Variants in AHI1 observed in about 807,000 individuals in gnomAD.
AHI1 encodes the protein jouberin.
AHI1 carries 123 observed loss-of-function variants against 149.3 expected under a neutral mutation model. That is an observed-to-expected ratio of 0.82 (90% CI 0.71 to 0.96). The LOEUF (loss-of-function observed/expected upper bound fraction) is 0.96, where lower values mean the gene tolerates loss of function less well. AHI1 is among the 40% of genes least tolerant of loss of function. The pLI is 0.00. For synonymous variants in AHI1, 475 were observed against 459.8 expected, an observed-to-expected ratio of 1.03 and a Z score of -0.42; for missense variants, 1,439 against 1,422.7, an observed-to-expected ratio of 1.01 and a Z score of -0.18.
At chr6:135,448,531 T>A in intron 11 of AHI1, 56 bp from the exon 12 acceptor site, 2 of 1,265,708 alleles carry the variant, frequency 1.6e-6, no homozygotes, top group Non-Finnish European at 2.1e-6. Context: ...ATATATCCAA[T>A]AAAGCAATAG....
rs1425381964 is a variant in AHI1, at chr6:135,429,987, GTTTC to G, written c.2383_2386del (p.Glu795LeufsTer8). On this transcript the variant is annotated frameshift_variant, in exon 18 of 29. Coordinates refer to ENST00000265602, the MANE Select transcript of AHI1 (RefSeq NM_001134831.2). LOFTEE classifies it high-confidence loss of function. ...ACTTATTGGAATTCCCTTAAACTCA[GTTTC>G]TTTAATTTCCTAAAATGATTAAAAA... is the stretch of plus-strand genomic sequence containing the variant. 1.3e-6 allele frequency: 2 copies of G among 1,552,518 alleles called. No individual in the cohort carries two copies. Among genetic ancestry groups the G allele is most frequent in the East Asian group, 2.3e-5 (1 of 43,872 alleles).
At chr6:135,345,513 A>T (rs1158100654) in intron 24 of AHI1, among the ~76,000 whole-genome samples, 2 of 152,254 alleles carry the variant, frequency 1.3e-5, no homozygotes, top group East Asian at 1.9e-4. Context: ...ATTCTGATAC[A>T]TGCCACAACA....
At chr6:135,472,102 A>T (rs1583410398) in intron 5 of AHI1, among the ~76,000 whole-genome samples, 1 of 147,538 alleles carries the variant, frequency 6.8e-6, no homozygotes, top group Admixed American at 6.8e-5. Context: ...AATTAAATGA[A>T]TTTTGGCAAA....
chr6:135,355,835 A>C (rs1453368736), intron 24 of AHI1, among the ~76,000 whole-genome samples: 10 of 152,270 alleles, frequency 6.6e-5, no homozygotes, highest in African/African-American at 2.2e-4. Context: ...GGAGACGGAC[A>C]TTGCAGTGAA....
chr6:135,360,578 T>C (rs1449958379), intron 23 of AHI1, among the ~76,000 whole-genome samples: 1 of 152,200 alleles, frequency 6.6e-6, no homozygotes, highest in Non-Finnish European at 1.5e-5. Context: ...TTTCTCTCTC[T>C]ATGGTCTTCC....
intron 26 of AHI1, among the ~76,000 whole-genome samples, chr6:135,316,422 T>C (rs1357701607): frequency 1.3e-5 from 2 of 152,048 alleles, no homozygotes; most frequent in Non-Finnish European, 2.9e-5. Flanking sequence ...TTTACTCTGC[T>C]CTTTAATCCT....
intron 24 of AHI1, among the ~76,000 whole-genome samples, chr6:135,347,226 C>T (rs951489165): frequency 5.9e-5 from 9 of 152,218 alleles, no homozygotes; most frequent in African/African-American, 1.9e-4. Flanking sequence ...TTCATTATCA[C>T]ATTCCCTGCC....
At chr6:135,296,544 G>GCTGT (rs1291787009) in intron 27 of AHI1, among the ~76,000 whole-genome samples, 1 of 151,968 alleles carries the variant, frequency 6.6e-6, no homozygotes, top group Non-Finnish European at 1.5e-5. Flanking sequence ...TTTCTTTGAG[G>GCTGT]GTAACAGGTA....
At chr6:135,364,975 T>C (rs1037853455) in intron 23 of AHI1, among the ~76,000 whole-genome samples, 1 of 151,978 alleles carries the variant, frequency 6.6e-6, no homozygotes, top group African/African-American at 2.4e-5. Context: ...GCGTCTTTCA[T>C]CCATCTTGAG....
intron 13 of AHI1, 109 bp downstream of exon 13, chr6:135,446,899 G>C: frequency 8.3e-7 from 1 of 1,204,864 alleles, no homozygotes; most frequent in Non-Finnish European, 1.1e-6. Flanking sequence ...TAAAAACAAG[G>C]ATAAATAGCA....
Position 135,466,155 on chromosome 6 carries a change from C to T in AHI1, c.408G>A (p.Leu136=). 6.2e-7 allele frequency: 1 copy of T among 1,613,836 alleles called. No individual in the cohort carries two copies. Among genetic ancestry groups the T allele is most frequent in the South Asian group, 1.1e-5 (1 of 91,062 alleles). The change falls in exon 7 of 29, where the codon TTG becomes TTA. Residue 136 remains leucine, a synonymous_variant. Coordinates refer to ENST00000265602, the MANE Select transcript of AHI1 (RefSeq NM_001134831.2). ...TTTCCGGTTTCAGGTCTTGTGTAGTCAACTGGGGCACCGTCTTTATCACCT... is the reference window on the plus strand; with the variant it reads ...TTTCCGGTTTCAGGTCTTGTGTAGTTAACTGGGGCACCGTCTTTATCACCT... ...NKKVIKTVPQ[L]TTQDLKPETP...
chr6:135,285,699 T>A, intron 28 of AHI1, 52 bp from the exon 29 acceptor site: 1 of 1,488,644 alleles, frequency 6.7e-7, no homozygotes, highest in Non-Finnish European at 9.3e-7. Flanking sequence ...TAATGTCTTC[T>A]GACTACAACC....
intron 26 of AHI1, among the ~76,000 whole-genome samples, chr6:135,309,306 T>C (rs6910542): frequency 0.02 from 2,997 of 152,238 alleles, 94 homozygotes; most frequent in African/African-American, 0.068. Context: ...ATGGGACACT[T>C]ATCTCTCTAG....
intron 23 of AHI1, chr6:135,387,744 A>G (rs926124108): frequency 2.3e-5 from 27 of 1,168,186 alleles, no homozygotes; most frequent in Non-Finnish European, 2.8e-5. Context: ...AACAAACTGT[A>G]TAATTTCAAA....
intron 26 of AHI1, among the ~76,000 whole-genome samples, chr6:135,312,533 A>AAACC (rs1348826511): frequency 3.3e-5 from 5 of 152,166 alleles, no homozygotes; most frequent in East Asian, 1.9e-4. Context: ...ACAACAAAAA[A>AAACC]AACCAACCAA....
chr6:135,391,453 A>G (rs765561551), intron 23 of AHI1, among the ~76,000 whole-genome samples: 1 of 152,142 alleles, frequency 6.6e-6, no homozygotes, highest in Non-Finnish European at 1.5e-5. Flanking sequence ...GAATCTAATG[A>G]TGTCACTGAT....
intron 20 of AHI1, among the ~76,000 whole-genome samples, chr6:135,421,959 T>A (rs112039753): frequency 1.3e-5 from 2 of 152,150 alleles, no homozygotes; most frequent in East Asian, 3.8e-4. Flanking sequence ...TGTATAAGTA[T>A]GAGAATTATG....
rs533033325 is a variant in AHI1, at chr6:135,400,520, A to T, written c.2988+4431T>A. Among the ~76,000 whole-genome samples the T allele has an allele frequency of 4.6e-5, 7 of 152,200 alleles. No individual in the cohort carries two copies. In the South Asian group the frequency reaches 1.5e-3, roughly 32 times the overall value. Reference sequence around the variant, plus strand: ...GAAGCTTACAGAGGTGTGTGGAGGGACAGATACATAAAGATTAGAAGCGAA... The same window carrying T: ...GAAGCTTACAGAGGTGTGTGGAGGGTCAGATACATAAAGATTAGAAGCGAA... On this transcript the variant is annotated intron_variant, in intron 22 of 28. Transcript: ENST00000265602.
chr6:135,420,468 T>A (rs1782989997), intron 20 of AHI1, among the ~76,000 whole-genome samples: 1 of 152,226 alleles, frequency 6.6e-6, no homozygotes, highest in African/African-American at 2.4e-5. Flanking sequence ...ATCTGTGGTT[T>A]ACTGTAGCCA....
Sources: allele counts gnomAD v4.1 joint callset (sites outside exome capture counted in the v4.1 genomes callset), GRCh38; gene constraint gnomAD v4.1.1; transcripts MANE v1.5; gene names NCBI Gene and HGNC (gene_info 2026-07-23, HGNC 2026-07-21).